The following HRNR variants were observed in gnomAD, a reference collection of about 807,000 sequenced individuals.
HRNR encodes the protein filaggrin family member 3.
Under a neutral mutation model 4.8 loss-of-function variants are expected in HRNR, and 7 were observed. The observed-to-expected ratio is 1.47, with a 90% confidence interval of 0.83 to 2.75. The LOEUF (loss-of-function observed/expected upper bound fraction) is 2.75, where lower values mean the gene tolerates loss of function less well. HRNR is among the 30% of genes most tolerant of loss of function. The pLI is 0.00. For synonymous variants in HRNR, 1,023 were observed against 1,242.7 expected (o/e 0.82, Z 3.72); for missense variants, 2,879 against 3,010.4 (o/e 0.96, Z 1.02).
In HRNR at chr1:152,218,492, T is replaced by C. The variant is rs765553702; in HGVS notation, c.3137A>G (p.His1046Arg). ...CTCTCGGTGACCTAAGCCAGAAGAG[T>C]GACCGGAGCCAGACTCATATGGGCC... ...SRGPYESGSG[H>R]SSGLGHRESR... Residue 1046 changes from histidine to arginine, a missense_variant, in exon 3 of 3, where the codon CAC becomes CGC. By Grantham distance (29) the His-to-Arg change is conservative (BLOSUM62 0). Transcript: ENST00000368801. 3 of 1,610,586 alleles carry C rather than the reference T, an allele frequency of 1.9e-6. No homozygotes were observed. In the Admixed American group the frequency reaches 5.0e-5, roughly 27 times the overall value.
chr1:152,212,847 C>T lies in HRNR; in HGVS notation c.*229G>A. The T allele has an allele frequency of 5.0e-6, 3 of 598,116 alleles. No homozygotes were observed. Among genetic ancestry groups the T allele is most frequent in the South Asian group, 2.2e-5 (1 of 44,732 alleles). The allele number at this position is 598,116 out of a possible 1,614,324, so 37.1% of individuals were successfully genotyped here. On this transcript the variant is annotated 3_prime_UTR_variant, in exon 3 of 3. Coordinates refer to ENST00000368801, the MANE Select transcript of HRNR (RefSeq NM_001009931.3). ...TTAACCCTCATTCTAACAAGTTATT[C>T]CACTCAGTATTTTCTAACAAAGTAG...
At chr1:152,223,396 A>C in intron 1 of HRNR, 118 bp from the exon 2 acceptor site, 1 of 671,518 alleles carries the variant, frequency 1.5e-6, no homozygotes, top group Non-Finnish European at 2.4e-6. Flanking sequence ...GATTAAATTC[A>C]TTCTGTTGTA....
intron 2 of HRNR, among the ~76,000 whole-genome samples, chr1:152,222,596 G>A (rs920705905): frequency 4.6e-5 from 7 of 152,166 alleles, no homozygotes; most frequent in African/African-American, 1.7e-4. Flanking sequence ...AAAAAGGTTA[G>A]TGGGGAAGAT....
rs762309013 is a variant in HRNR at position 152,216,000 on chromosome 1, T to A, written c.5629A>T (p.Ser1877Cys). The change falls in exon 3 of 3, where the codon AGC becomes TGC. Residue 1877 changes from serine (S) to cysteine (C), a missense_variant. Physicochemically the swap from Ser to Cys is moderately radical, Grantham distance 112. Transcript: ENST00000368801. Reference sequence around the variant, plus strand: ...GTGTAACCAGAGGACTGCCATGAGCTAGACTCATGGTGACCAAATCCAGAA... The same window carrying A: ...GTGTAACCAGAGGACTGCCATGAGCAAGACTCATGGTGACCAAATCCAGAA... The part of the protein sequence containing the change: ...QSSGFGHHES[S>C]SWQSSGYTQH... The A allele has an allele frequency of 6.2e-7, 1 of 1,608,720 alleles. No individual in the cohort carries two copies. Among genetic ancestry groups the A allele is most frequent in the African/African-American group, 1.4e-5 (1 of 71,668 alleles).
In HRNR at chr1:152,212,774, C is replaced by G. The variant is rs1648431802; in HGVS notation, c.*302G>C. The G allele has an allele frequency of 2.4e-6, 1 of 417,430 alleles. No homozygotes were observed. The highest frequency in any genetic ancestry group is 4.2e-6 in the Non-Finnish European group (1 of 235,654). 25.9% of individuals were successfully genotyped at this position (417,430 alleles called of 1,614,324 possible). A position where few individuals can be genotyped will look rare whatever the true frequency, so the allele number is the denominator to read the frequency against. On this transcript the variant is annotated 3_prime_UTR_variant, in exon 3 of 3. Transcript: ENST00000368801. ...ATGATGAGCTCTCAAAAAGACAACT[C>G]CAACTAAACCCAAAGCTCTTTAAAA...
Position 152,220,731 on chromosome 1 carries a change from C to T in HRNR, c.898G>A (p.Gly300Arg), listed in dbSNP as rs768236973. ...SRQSLGHGRQGSGSRQSPSHV... is the reference protein window; with the variant it reads ...SRQSLGHGRQRSGSRQSPSHV... ...CTAGGAGACTGGCGAGATCCAGACC[C>T]TTGTCGGCCGTGGCCCAAAGACTGA... Residue 300 changes from glycine (G) to arginine (R), a missense_variant, in exon 3 of 3, where the codon GGG becomes AGG. This residue lies in a region of HRNR where 2,646 missense variants were observed against 1,377.7 expected (regional missense o/e 1.92). Coordinates refer to ENST00000368801, the MANE Select transcript of HRNR (RefSeq NM_001009931.3). 19 of 1,613,510 alleles carry T rather than the reference C, an allele frequency of 1.2e-5. No individual in the cohort carries two copies. Among genetic ancestry groups the T allele is most frequent in the Non-Finnish European group, 1.6e-5 (19 of 1,179,858 alleles).
At position 152,219,441 on chromosome 1, in the gene HRNR, C is replaced by T. The variant is rs753102797; in HGVS notation, c.2188G>A (p.Gly730Ser). 21 of 1,614,052 alleles carry T rather than the reference C, an allele frequency of 1.3e-5. No individual in the cohort carries two copies. The highest frequency in any genetic ancestry group is 1.5e-5 in the Non-Finnish European group (18 of 1,180,006). ...CTAGATGACTGTCCTGACCTAGAGC[C>T]GTGTTTTCTGTAGCCGGAGGAGTGA... Reference protein sequence around the residue: ...SSHSSGYRKHGSRSGQSSRSE... With the variant: ...SSHSSGYRKHSSRSGQSSRSE... The change falls in exon 3 of 3, where the codon GGC becomes AGC. Residue 730 changes from glycine (G) to serine (S), a missense_variant. By Grantham distance (56) the Gly-to-Ser change is moderately conservative. This residue lies in a region of HRNR where 2,646 missense variants were observed against 1,377.7 expected (regional missense o/e 1.92). Transcript: ENST00000368801.
chr1:152,218,844 A>T lies in HRNR; in HGVS notation c.2785T>A (p.Ser929Thr). 1.2e-6 allele frequency: 2 copies of T among 1,613,692 alleles called. No individual in the cohort carries two copies. Among genetic ancestry groups the T allele is most frequent in the Non-Finnish European group, 1.7e-6 (2 of 1,179,968 alleles). Residue 929 changes from serine (S) to threonine (T), a missense_variant, in exon 3 of 3, where the codon TCT becomes ACT. By Grantham distance (58) the Ser-to-Thr change is moderately conservative (BLOSUM62 1). Around this residue, in one of 8 missense-constraint regions of HRNR, gnomAD observed 2,646 missense variants for 1,377.7 expected, o/e 1.92. Transcript: ENST00000368801. Reference sequence around the variant, plus strand: ...CTAGACTTGTGACCAAAGCCAGAAGACTGGCCTGAGCCAGACCCATGTCGG... The same window carrying T: ...CTAGACTTGTGACCAAAGCCAGAAGTCTGGCCTGAGCCAGACCCATGTCGG... ...SGRHGSGSGQSSGFGHKSSSG... is the reference protein window; with the variant it reads ...SGRHGSGSGQTSGFGHKSSSG...
At chr1:152,222,405 A>G (rs1257234473) in intron 2 of HRNR, among the ~76,000 whole-genome samples, 2 of 152,202 alleles carry the variant, frequency 1.3e-5, no homozygotes, top group Admixed American at 6.5e-5. Context: ...TTTGCATCCA[A>G]TGCTGAGAGT....
At position 152,223,258 on chromosome 1, in the gene HRNR, T is replaced by A. The variant is rs771979619; in HGVS notation, c.-5A>T. 1 of 1,609,028 alleles carries A rather than the reference T, an allele frequency of 6.2e-7. No individual in the cohort carries two copies. Among genetic ancestry groups the A allele is most frequent in the Non-Finnish European group, 8.5e-7 (1 of 1,178,520 alleles). Reference sequence around the variant, plus strand: ...GCCTTGTAGGAGTTTAGGCATTTTTTTTTTTGCAAGTTTGAGTAACCTAAA... The same window carrying A: ...GCCTTGTAGGAGTTTAGGCATTTTTATTTTTGCAAGTTTGAGTAACCTAAA... On this transcript the variant is annotated 5_prime_UTR_variant, in exon 2 of 3. Coordinates refer to ENST00000368801, the MANE Select transcript of HRNR (RefSeq NM_001009931.3).
At position 152,219,057 on chromosome 1, in the gene HRNR, C is replaced by G. The variant is rs770023494; in HGVS notation, c.2572G>C (p.Asp858His). 2 of 1,613,562 alleles carry G rather than the reference C, an allele frequency of 1.2e-6. No individual in the cohort carries two copies. Residue 858 changes from aspartate to histidine, a missense_variant, in exon 3 of 3, where the codon GAC (aspartate) becomes CAC (histidine). Physicochemically the swap from Asp to His is moderately conservative, Grantham distance 81. Transcript: ENST00000368801. ...SGQSSSSGQHDSSSGQSSSYG... is the reference protein window; with the variant it reads ...SGQSSSSGQHHSSSGQSSSYG... ...CTGGAAGATTGACCTGAGCTAGAGTCATGTTGGCCGGAGCTTGATGACTGC... is the reference window on the plus strand; with the variant it reads ...CTGGAAGATTGACCTGAGCTAGAGTGATGTTGGCCGGAGCTTGATGACTGC...
At position 152,212,908 on chromosome 1, in the gene HRNR, A is replaced by T; in HGVS notation, c.*168T>A. 2.2e-6 allele frequency: 2 copies of T among 912,268 alleles called. No homozygotes were observed. Among genetic ancestry groups the T allele is most frequent in the South Asian group, 1.8e-5 (1 of 54,474 alleles). 56.5% of individuals were successfully genotyped at this position (912,268 alleles called of 1,614,324 possible). A position where few individuals can be genotyped will look rare whatever the true frequency, so the allele number is the denominator to read the frequency against. On this transcript the variant is annotated 3_prime_UTR_variant, in exon 3 of 3. Transcript: ENST00000368801. ...TAACAGTCTTTGGAAGGAACCCCATAACAAGATATATGCTACAGTTTTAGG... is the reference window on the plus strand; with the variant it reads ...TAACAGTCTTTGGAAGGAACCCCATTACAAGATATATGCTACAGTTTTAGG...
chr1:152,218,575 G>C lies in HRNR; in HGVS notation c.3054C>G (p.Ser1018=). Residue 1018 remains serine, a synonymous_variant, in exon 3 of 3, where the codon TCC becomes TCG. Transcript: ENST00000368801. ...SPSRGRHGSG[S]GQSSSYGPYR... is the part of the protein sequence containing the mutation. ...ATGGGCCATAGCTGGAAGACTGCCC[G>C]GAACCAGACCCATGTCGGCCACGGC... 1 of 1,608,954 alleles carries C rather than the reference G, an allele frequency of 6.2e-7. No individual in the cohort carries two copies.
chr1:152,218,579 C>T lies in HRNR; in HGVS notation c.3050G>A (p.Gly1017Asp), dbSNP rs765947560. ...PSPSRGRHGS[G>D]SGQSSSYGPY... Reference sequence around the variant, plus strand: ...GCCATAGCTGGAAGACTGCCCGGAACCAGACCCATGTCGGCCACGGCTAGG... The same window carrying T: ...GCCATAGCTGGAAGACTGCCCGGAATCAGACCCATGTCGGCCACGGCTAGG... Residue 1017 changes from glycine to aspartate, a missense_variant, in exon 3 of 3, where the codon GGT becomes GAT. Around this residue, in one of 8 missense-constraint regions of HRNR, gnomAD observed 2,646 missense variants for 1,377.7 expected, o/e 1.92. Coordinates refer to ENST00000368801, the MANE Select transcript of HRNR (RefSeq NM_001009931.3). The T allele has an allele frequency of 1.2e-6, 2 of 1,613,918 alleles. No homozygotes were observed. The highest frequency in any genetic ancestry group is 1.7e-5 in the Admixed American group (1 of 60,024).
chr1:152,219,967 C>G lies in HRNR; in HGVS notation c.1662G>C (p.Gln554His). The G allele has an allele frequency of 6.2e-7, 1 of 1,613,370 alleles. No homozygotes were observed. The change falls in exon 3 of 3, where the codon CAG (glutamine) becomes CAC (histidine). Residue 554 changes from glutamine to histidine, a missense_variant. Gln to His is a conservative substitution (Grantham distance 24). Transcript: ENST00000368801. The stretch of plus-strand genomic sequence containing the variant: ...ACCCATGTGGGCCATAGCTGGAAGA[C>G]TGCCTGGAACCAGACTCATGTCGGC... The part of the protein sequence containing the change: ...SRGRHESGSR[Q>H]SSSYGPHGYG...
Position 152,213,587 on chromosome 1 carries a change from CGG to C in HRNR, c.8040_8041del (p.Ser2680ArgfsTer5). On this transcript the variant is annotated frameshift_variant, in exon 3 of 3. Coordinates refer to ENST00000368801, the MANE Select transcript of HRNR (RefSeq NM_001009931.3). LOFTEE classifies it low-confidence loss of function (END_TRUNC). ...ACCCAAGCGAGACTCATATGGGCCA[CGG>C]CTGGAAGAACGACCTGAGCCAGACC... 8.3e-7 allele frequency: 1 copy of C among 1,204,632 alleles called. No individual in the cohort carries two copies. Among genetic ancestry groups the C allele is most frequent in the East Asian group, 2.5e-5 (1 of 40,222 alleles). 74.6% of individuals were successfully genotyped at this position (1,204,632 alleles called of 1,614,324 possible).
In HRNR at chr1:152,219,070, G is replaced by T. The variant is rs150471229; in HGVS notation, c.2559C>A (p.Ser853Arg). The change falls in exon 3 of 3, where the codon AGC (serine) becomes AGA (arginine). Residue 853 changes from serine to arginine, a missense_variant. Around this residue, in one of 8 missense-constraint regions of HRNR, gnomAD observed 2,646 missense variants for 1,377.7 expected, o/e 1.92. Coordinates refer to ENST00000368801, the MANE Select transcript of HRNR (RefSeq NM_001009931.3). ...RHGSTSGQSS[S>R]SGQHDSSSGQ... ...CTGAGCTAGAGTCATGTTGGCCGGA[G>T]CTTGATGACTGCCCTGACGTAGATC... 13 of 1,613,132 alleles carry T rather than the reference G, an allele frequency of 8.1e-6. No individual in the cohort carries two copies. The highest frequency in any genetic ancestry group is 2.2e-5 in the South Asian group (2 of 91,058).
Position 152,220,919 on chromosome 1 carries a change from C to T in HRNR, c.710G>A (p.Ser237Asn). 6.2e-7 allele frequency: 1 copy of T among 1,614,208 alleles called. No homozygotes were observed. The highest frequency in any genetic ancestry group is 1.7e-5 in the Admixed American group (1 of 60,028). Residue 237 changes from serine to asparagine, a missense_variant, in exon 3 of 3, where the codon AGC becomes AAC. Ser to Asn is a conservative substitution (Grantham distance 46, BLOSUM62 1). Coordinates refer to ENST00000368801, the MANE Select transcript of HRNR (RefSeq NM_001009931.3). ...QSSGFSQHKSSSGQSSGYSQH... is the reference protein window; with the variant it reads ...QSSGFSQHKSNSGQSSGYSQH... Reference sequence around the variant, plus strand: ...ACTGTAACCAGAGGACTGCCCTGAGCTAGACTTGTGTTGACTAAAGCCAGA... The same window carrying T: ...ACTGTAACCAGAGGACTGCCCTGAGTTAGACTTGTGTTGACTAAAGCCAGA...
At position 152,219,190 on chromosome 1, in the gene HRNR, C is replaced by A. The variant is rs1184241959; in HGVS notation, c.2439G>T (p.Gln813His). 1 of 1,614,028 alleles carries A rather than the reference C, an allele frequency of 6.2e-7. No homozygotes were observed. The highest frequency in any genetic ancestry group is 2.2e-5 in the East Asian group (1 of 44,858). ...ACTCGTGTTGCCCAAAACCAGAAGC[C>A]TGGCCTGAGCCAGACTCATAATGGC... is the stretch of plus-strand genomic sequence containing the variant. ...SCGHYESGSGQASGFGQHESG... is the reference protein window; with the variant it reads ...SCGHYESGSGHASGFGQHESG... The change falls in exon 3 of 3, where the codon CAG becomes CAT. Residue 813 changes from glutamine to histidine, a missense_variant. Gln to His is a conservative substitution (Grantham distance 24, BLOSUM62 0). Around this residue, in one of 8 missense-constraint regions of HRNR, gnomAD observed 2,646 missense variants for 1,377.7 expected, o/e 1.92. Coordinates refer to ENST00000368801, the MANE Select transcript of HRNR (RefSeq NM_001009931.3).
Sources: gnomAD v4.1 joint callset for allele counts (sites outside exome capture counted in the v4.1 genomes callset) on GRCh38, gnomAD v4.1.1 for gene constraint, gnomAD v4.1.1 regional missense constraint, MANE v1.5 for transcripts, NCBI Gene and HGNC (gene_info 2026-07-23, HGNC 2026-07-21) for gene names.